Variants in C7orf57 observed in about 807,000 individuals in gnomAD.
C7orf57 encodes the protein chromosome 7 open reading frame 57.
A neutral mutation model predicts 39.0 loss-of-function variants in C7orf57; 33 were observed. The observed-to-expected ratio is 0.85, with a 90% confidence interval of 0.64 to 1.13. The LOEUF (loss-of-function observed/expected upper bound fraction) is 1.13, where lower values mean the gene tolerates loss of function less well. C7orf57 is among the 50% of genes most tolerant of loss of function. C7orf57 has a pLI of 0.00. For synonymous variants in C7orf57, 124 were observed against 137.1 expected (o/e 0.90, Z 0.67); for missense variants, 346 against 362.3 (o/e 0.95, Z 0.37).
At chr7:48,050,876 C>T (rs1213784826) in intron 6 of C7orf57, among the ~76,000 whole-genome samples, 1 of 152,020 alleles carries the variant, frequency 6.6e-6, no homozygotes, top group Non-Finnish European at 1.5e-5. Flanking sequence ...ACTATGTTGC[C>T]CAGGCTGGTA....
intron 5 of C7orf57, among the ~76,000 whole-genome samples, chr7:48,047,092 C>G (rs192440063): frequency 6.6e-6 from 1 of 152,076 alleles, no homozygotes; most frequent in African/African-American, 2.4e-5. Flanking sequence ...TGCAGTGAAG[C>G]CTTCTCAGAG....
chr7:48,051,750 T>TTTTTCTTTCTTTC (rs1491231415), intron 6 of C7orf57, among the ~76,000 whole-genome samples: 1 of 54,624 alleles, frequency 1.8e-5, no homozygotes, highest in African/African-American at 5.3e-5. Flanking sequence ...TTTCTTTTTC[T>TTTTTCTTTCTTTC]TTTCTTTCTT....
At chr7:48,051,090 C>T (rs1358815733) in intron 6 of C7orf57, among the ~76,000 whole-genome samples, 1 of 150,558 alleles carries the variant, frequency 6.6e-6, no homozygotes, top group Non-Finnish European at 1.5e-5. Flanking sequence ...GCTAAGCTAA[C>T]ATCAAGAAAT....
chr7:48,059,465 CT>C (rs1306285853), intron 8 of C7orf57, among the ~76,000 whole-genome samples: 3 of 152,200 alleles, frequency 2.0e-5, no homozygotes, highest in African/African-American at 7.2e-5. Context: ...ATCCTTCTGC[CT>C]CAGCCTCCTG....
At chr7:48,046,275 AAGAG>A (rs1209026151) in intron 4 of C7orf57, among the ~76,000 whole-genome samples, 181 bp from the exon 5 acceptor site, 3 of 151,492 alleles carry the variant, frequency 2.0e-5, no homozygotes, top group African/African-American at 4.9e-5. Flanking sequence ...AAAAGAGAGA[AAGAG>A]AGAGAGCAGG....
At position 48,043,570 on chromosome 7, in the gene C7orf57, C is replaced by A; in HGVS notation, c.331C>A (p.Pro111Thr). Residue 111 changes from proline (P) to threonine (T), a missense_variant, in exon 4 of 9, where the codon CCG (proline) becomes ACG (threonine). Coordinates refer to ENST00000348904, the MANE Select transcript of C7orf57 (RefSeq NM_001100159.3). Reference sequence around the variant, plus strand: ...CTGGTATATCCACCACAGCAAGCCACCGACAGCCAGCCAGCAAGAGTAAGT... The same window carrying A: ...CTGGTATATCCACCACAGCAAGCCAACGACAGCCAGCCAGCAAGAGTAAGT... Reference protein sequence around the residue: ...PDWYIHHSKPPTASQQEVRAV... With the variant: ...PDWYIHHSKPTTASQQEVRAV... The A allele has an allele frequency of 6.2e-7, 1 of 1,613,924 alleles. No individual in the cohort carries two copies. The highest frequency in any genetic ancestry group is 8.5e-7 in the Non-Finnish European group (1 of 1,179,820).
chr7:48,053,181 A>G (rs1427408481), intron 7 of C7orf57: 2 of 588,586 alleles, frequency 3.4e-6, no homozygotes, highest in Non-Finnish European at 6.3e-6. Context: ...AAAAATTTTG[A>G]TAGTCCATTT....
At chr7:48,051,314 G>A (rs991782945) in intron 6 of C7orf57, among the ~76,000 whole-genome samples, 5 of 144,740 alleles carry the variant, frequency 3.5e-5, no homozygotes, top group Admixed American at 1.4e-4. Context: ...CCCAAGTAGC[G>A]GGACTATAGG....
intron 2 of C7orf57, among the ~76,000 whole-genome samples, chr7:48,039,241 C>A (rs1469221810): frequency 6.6e-6 from 1 of 152,176 alleles, no homozygotes; most frequent in Non-Finnish European, 1.5e-5. Context: ...ATTTCAATTT[C>A]TTTCAGGACC....
chr7:48,058,448 G>C (rs1791192239), intron 8 of C7orf57, among the ~76,000 whole-genome samples: 1 of 151,828 alleles, frequency 6.6e-6, no homozygotes, highest in Non-Finnish European at 1.5e-5. Context: ...TATGATTCTA[G>C]GAATGTATCC....
chr7:48,048,388 A>C (rs1790777282), intron 5 of C7orf57, among the ~76,000 whole-genome samples: 1 of 152,148 alleles, frequency 6.6e-6, no homozygotes, highest in South Asian at 2.1e-4. Context: ...ACACCTGACA[A>C]GACTTAGGGC....
At chr7:48,059,967 A>G (rs1000042671) in intron 8 of C7orf57, among the ~76,000 whole-genome samples, 1 of 152,134 alleles carries the variant, frequency 6.6e-6, no homozygotes, top group Non-Finnish European at 1.5e-5. Context: ...GAAACTTTCC[A>G]CCATACACAG....
rs1344100013 is a variant in C7orf57 at position 48,035,720 on chromosome 7, G to A, written c.-102+90G>A. 2 of 587,342 alleles carry A rather than the reference G, an allele frequency of 3.4e-6. No individual in the cohort carries two copies. Among genetic ancestry groups the A allele is most frequent in the African/African-American group, 1.9e-5 (1 of 51,400 alleles). The allele number at this position is 587,342 out of a possible 1,614,324, so 36.4% of individuals were successfully genotyped here. On this transcript the variant is annotated intron_variant, in intron 1 of 8. Coordinates refer to ENST00000348904, the MANE Select transcript of C7orf57 (RefSeq NM_001100159.3). The surrounding 1 kb of genome is among the most constrained non-coding windows in gnomAD (Gnocchi z 4.0). ...GCGGAGCTCGCAGTGCGGGCAGTGC[G>A]CGCCGGGGCTGGAGGGAGGGGACCA...
chr7:48,044,123 G>A (rs1271245183), intron 4 of C7orf57, among the ~76,000 whole-genome samples: 1 of 152,190 alleles, frequency 6.6e-6, no homozygotes, highest in East Asian at 1.9e-4. Flanking sequence ...GAACAATGGC[G>A]AGCCTCTAGC....
Position 48,041,377 on chromosome 7 carries a change from G to A in C7orf57, c.99G>A (p.Val33=), listed in dbSNP as rs754948160. The change falls in exon 3 of 9, where the codon GTG becomes GTA. Residue 33 remains valine (V), a synonymous_variant. Coordinates refer to ENST00000348904, the MANE Select transcript of C7orf57 (RefSeq NM_001100159.3). ...HVPVKRSEKA[V]DAPPASQIPG... is the part of the protein sequence containing the mutation. The stretch of plus-strand genomic sequence containing the variant: ...CAGTGAAGCGCTCTGAGAAGGCCGT[G>A]GATGCCCCACCAGCGTCCCAGATCC... 1.8e-5 allele frequency: 29 copies of A among 1,613,904 alleles called. No individual in the cohort carries two copies. Among genetic ancestry groups the A allele is most frequent in the Non-Finnish European group, 2.5e-5 (29 of 1,179,846 alleles).
At chr7:48,047,436 G>A (rs1294040179) in intron 5 of C7orf57, among the ~76,000 whole-genome samples, 3 of 152,252 alleles carry the variant, frequency 2.0e-5, no homozygotes, top group Non-Finnish European at 4.4e-5. Context: ...GACTGGATGT[G>A]TCTCAGCGTA....
intron 8 of C7orf57, among the ~76,000 whole-genome samples, chr7:48,055,012 G>T (rs1032971852): frequency 1.3e-5 from 2 of 152,024 alleles, no homozygotes; most frequent in African/African-American, 4.8e-5. Context: ...GAGTAACTGG[G>T]ACTACAGGCG....
chr7:48,054,595 A>G lies in C7orf57; in HGVS notation c.830A>G (p.Glu277Gly). 6.5e-7 allele frequency: 1 copy of G among 1,549,132 alleles called. No individual in the cohort carries two copies. Among genetic ancestry groups the G allele is most frequent in the Non-Finnish European group, 8.7e-7 (1 of 1,144,780 alleles). The change falls in exon 8 of 9, where the codon GAG becomes GGG. Residue 277 changes from glutamate (E) to glycine (G), a missense_variant and splice_region_variant. Glu to Gly is a moderately conservative substitution (Grantham distance 98, BLOSUM62 -2). Coordinates refer to ENST00000348904, the MANE Select transcript of C7orf57 (RefSeq NM_001100159.3). ...EASEGPEDTPESSQSPEESVS... is the reference protein window; with the variant it reads ...EASEGPEDTPGSSQSPEESVS... ...ACAACGAATGTACTTTTTATTACAG[A>G]GTCTTCTCAAAGTGAGTACTTATAA...
intron 7 of C7orf57, 83 bp from the exon 8 acceptor site, chr7:48,054,512 A>C (rs1791054312): frequency 8.3e-7 from 1 of 1,208,256 alleles, no homozygotes; most frequent in Non-Finnish European, 1.2e-6. Flanking sequence ...CAGAATTTTC[A>C]TTAAATCTTT....
Sources: gnomAD v4.1 joint callset for allele counts (sites outside exome capture counted in the v4.1 genomes callset) on GRCh38, gnomAD v4.1.1 for gene constraint, Gnocchi (gnomAD v3.1) non-coding constraint, MANE v1.5 for transcripts, NCBI Gene and HGNC (gene_info 2026-07-23, HGNC 2026-07-21) for gene names.